The following KAZN variants were observed in gnomAD, a reference collection of about 807,000 sequenced individuals.
KAZN encodes kazrin, periplakin interacting protein, also known as kazrin.
In KAZN, 40 loss-of-function variants were observed where a neutral mutation model predicts 87.4. That is an observed-to-expected ratio of 0.46 (90% CI 0.36 to 0.60). The LOEUF (loss-of-function observed/expected upper bound fraction) is 0.60, where lower values mean the gene tolerates loss of function less well. Among genes scored for constraint, KAZN ranks in the 20% least tolerant of loss-of-function variants. The probability of loss-of-function intolerance (pLI) is 0.00; values close to 1 mark genes in which losing one functional copy is unlikely to be tolerated. For missense variants in KAZN, 898 were observed against 1,073.9 expected (o/e 0.84, Z 2.29); for synonymous variants, 466 against 458.3 (o/e 1.02, Z -0.22).
chr1:14,090,012 CT>C (rs61661596), intron 1 of KAZN, among the ~76,000 whole-genome samples: 3,086 of 146,304 alleles, frequency 0.021, 55 homozygotes, highest in South Asian at 0.069. Flanking sequence ...AATAATGCAT[CT>C]TTTTTTTTTT....
At chr1:14,598,639 C>A (rs1676675280), upstream of KAZN, 2 of 1,134,168 alleles carry the variant, frequency 1.8e-6, no homozygotes, top group South Asian at 4.0e-5. This position sits in a 1 kb window ranked among gnomAD's most constrained non-coding sequence, Gnocchi z 4.2. Flanking sequence ...GAGCCGGCGG[C>A]GAATGGTAGG....
intron 1 of KAZN, among the ~76,000 whole-genome samples, chr1:14,928,291 A>G: frequency 6.6e-6 from 1 of 152,168 alleles, no homozygotes; most frequent in Non-Finnish European, 1.5e-5. Context: ...TCTACTAAAA[A>G]TACAAAAATT....
intron 1 of KAZN, among the ~76,000 whole-genome samples, chr1:14,160,447 G>T (rs1473767449): frequency 2.0e-5 from 3 of 152,212 alleles, no homozygotes; most frequent in African/African-American, 7.2e-5. Context: ...AGGGAGGAGG[G>T]TGAGGGGCTG....
At chr1:14,441,327 A>T (rs530677620) in intron 2 of KAZN, among the ~76,000 whole-genome samples, 2 of 152,184 alleles carry the variant, frequency 1.3e-5, no homozygotes, top group African/African-American at 4.8e-5. Flanking sequence ...CATTAGCATT[A>T]TCTGGAACTG....
chr1:14,275,908 C>T (rs1652306503), intron 2 of KAZN, among the ~76,000 whole-genome samples: 1 of 152,276 alleles, frequency 6.6e-6, no homozygotes, highest in African/African-American at 2.4e-5. Flanking sequence ...GATTCTCAGG[C>T]TTGGTTCTCT....
At position 14,599,277 on chromosome 1, in the gene KAZN, C is replaced by T. The variant is rs564995845; in HGVS notation, c.226+54C>T. The stretch of plus-strand genomic sequence containing the variant: ...GGAAGGCGAGCAGAGCACGCCCGGC[C>T]TCGGAGGTGGCCGGGGACCCGGGGT... On this transcript the variant is annotated intron_variant, in intron 1 of 14. Transcript: ENST00000376030. This position sits in a 1 kb window ranked among gnomAD's most constrained non-coding sequence, Gnocchi z 4.4. 7 of 1,288,722 alleles carry T rather than the reference C, an allele frequency of 5.4e-6. No individual in the cohort carries two copies. Among genetic ancestry groups the T allele is most frequent in the Non-Finnish European group, 6.9e-6 (7 of 1,019,720 alleles). 79.8% of individuals were successfully genotyped at this position (1,288,722 alleles called of 1,614,324 possible).
At chr1:15,078,593 C>G (rs10489454) in intron 8 of KAZN, among the ~76,000 whole-genome samples, 6,639 of 152,076 alleles carry the variant, frequency 0.044, 218 homozygotes, top group South Asian at 0.08. Flanking sequence ...GCAGGGATCA[C>G]GATTAAAGGT....
chr1:15,080,634 C>T (rs151101837), intron 8 of KAZN, among the ~76,000 whole-genome samples: 11 of 152,304 alleles, frequency 7.2e-5, no homozygotes, highest in Non-Finnish European at 1.3e-4. Flanking sequence ...CAGCCATGAT[C>T]GGGCCATAAA....
chr1:14,416,530 C>T (rs545201521), intron 2 of KAZN, among the ~76,000 whole-genome samples: 17 of 152,074 alleles, frequency 1.1e-4, no homozygotes, highest in African/African-American at 2.2e-4. Flanking sequence ...TGAGGTCAGG[C>T]GTTCAAGACA....
chr1:14,997,058 T>G (rs1356104110), intron 2 of KAZN, among the ~76,000 whole-genome samples: 1 of 152,080 alleles, frequency 6.6e-6, no homozygotes. Flanking sequence ...TCCTCATCCT[T>G]CCCAGCCTTA....
intron 2 of KAZN, among the ~76,000 whole-genome samples, chr1:14,314,550 G>T (rs1199200334): frequency 6.6e-6 from 1 of 152,096 alleles, no homozygotes; most frequent in African/African-American, 2.4e-5. Context: ...TTTTCTCAAA[G>T]CTCCATTCGT....
At chr1:13,952,923 T>C (rs1016343257) in intron 1 of KAZN, among the ~76,000 whole-genome samples, 1 of 152,204 alleles carries the variant, frequency 6.6e-6, no homozygotes, top group African/African-American at 2.4e-5. Context: ...CTCCTAGTTA[T>C]ATGATTCTTT....
intron 1 of KAZN, among the ~76,000 whole-genome samples, chr1:14,694,530 G>T (rs1385020227): frequency 6.6e-6 from 1 of 152,098 alleles, no homozygotes; most frequent in African/African-American, 2.4e-5. Flanking sequence ...AATATGCAAG[G>T]TGCCACAGAC....
At chr1:14,249,635 G>A (rs1649828106) in intron 2 of KAZN, among the ~76,000 whole-genome samples, 1 of 152,186 alleles carries the variant, frequency 6.6e-6, no homozygotes, top group Admixed American at 6.5e-5. Flanking sequence ...AGAAGAAAGG[G>A]AGTCTCTTTA....
At chr1:14,524,013 T>TTTTGC (rs956034470) in intron 2 of KAZN, among the ~76,000 whole-genome samples, 6 of 151,812 alleles carry the variant, frequency 4.0e-5, no homozygotes, top group African/African-American at 1.5e-4. Context: ...TTTTGTTTTG[T>TTTTGC]TTTGTTTTGT....
intron 2 of KAZN, among the ~76,000 whole-genome samples, chr1:14,278,402 A>G (rs1652570740): frequency 2.0e-5 from 3 of 148,858 alleles, no homozygotes; most frequent in Non-Finnish European, 4.4e-5. Flanking sequence ...GCGATTCGCC[A>G]GCCTCAGCCT....
At chr1:15,085,451 C>T (rs2100647710) in intron 8 of KAZN, among the ~76,000 whole-genome samples, 1 of 152,296 alleles carries the variant, frequency 6.6e-6, no homozygotes, top group South Asian at 2.1e-4. Context: ...CCTCAGCCTC[C>T]TGAGTAGCTG....
At chr1:14,830,234 T>C (rs1273154585) in intron 1 of KAZN, among the ~76,000 whole-genome samples, 3 of 152,182 alleles carry the variant, frequency 2.0e-5, no homozygotes, top group African/African-American at 7.2e-5. Context: ...AGGCTTTCCC[T>C]GAGCCGTAGC....
intron 3 of KAZN, among the ~76,000 whole-genome samples, chr1:15,041,246 G>A (rs1009617993): frequency 6.6e-6 from 1 of 150,464 alleles, no homozygotes; most frequent in African/African-American, 2.4e-5. Context: ...ACAGGCATGA[G>A]CCACCGCACC....
Sources: gnomAD v4.1 joint callset for allele counts (sites outside exome capture counted in the v4.1 genomes callset) on GRCh38, gnomAD v4.1.1 for gene constraint, Gnocchi (gnomAD v3.1) non-coding constraint, MANE v1.5 for transcripts, NCBI Gene and HGNC (gene_info 2026-07-23, HGNC 2026-07-21) for gene names.